The following FGL2 variants were observed in gnomAD, a reference collection of about 807,000 sequenced individuals.
The protein encoded by FGL2 is fibroleukin.
In FGL2, 21 loss-of-function variants were observed where a neutral mutation model predicts 36.0. The ratio of observed to expected loss-of-function variants is 0.58; its 90% CI spans 0.41 to 0.84. FGL2 has a LOEUF of 0.84. Among genes scored for constraint, FGL2 ranks in the 40% least tolerant of loss-of-function variants. FGL2 has a pLI of 0.00. For missense variants in FGL2, 444 were observed against 526.3 expected (o/e 0.84, Z 1.53); for synonymous variants, 183 against 190.7 (o/e 0.96, Z 0.33).
In FGL2 at chr7:77,196,978, A is replaced by T; in HGVS notation, c.621T>A (p.His207Gln). ...AGTCAGAGCAATCTTTATATATTAG[A>T]TGTTGAACTGAAGGGGAAATAAAAG... is the stretch of plus-strand genomic sequence containing the variant. ...QEQIQSRPVQHLIYKDCSDYY... is the reference protein window; with the variant it reads ...QEQIQSRPVQQLIYKDCSDYY... Residue 207 changes from histidine (H) to glutamine (Q), a missense_variant, in exon 2 of 2, where the codon CAT becomes CAA. By Grantham distance (24) the His-to-Gln change is conservative. Coordinates refer to ENST00000248598, the MANE Select transcript of FGL2 (RefSeq NM_006682.3). The surrounding 1 kb of genome is among the most constrained non-coding windows in gnomAD (Gnocchi z 4.2). 2 of 1,585,468 alleles carry T rather than the reference A, an allele frequency of 1.3e-6. No individual in the cohort carries two copies. Among genetic ancestry groups the T allele is most frequent in the Non-Finnish European group, 1.7e-6 (2 of 1,161,532 alleles).
rs1447703327 is a variant in FGL2, at chr7:77,196,641, A to G, written c.958T>C (p.Tyr320His). Reference sequence around the variant, plus strand: ...TATTTGAGAAACTCATTAGCCACATAAAACTGATCATACAAGGCATATAGT... The same window carrying G: ...TATTTGAGAAACTCATTAGCCACATGAAACTGATCATACAAGGCATATAGT... Reference protein sequence around the residue: ...VELYALYDQFYVANEFLKYRL... With the variant: ...VELYALYDQFHVANEFLKYRL... The change falls in exon 2 of 2, where the codon TAT becomes CAT. Residue 320 changes from tyrosine to histidine, a missense_variant. By Grantham distance (83) the Tyr-to-His change is moderately conservative (BLOSUM62 2). Transcript: ENST00000248598. The surrounding 1 kb of genome is among the most constrained non-coding windows in gnomAD (Gnocchi z 4.2). 1 of 1,614,038 alleles carries G rather than the reference A, an allele frequency of 6.2e-7. No homozygotes were observed. The highest frequency in any genetic ancestry group is 8.5e-7 in the Non-Finnish European group (1 of 1,179,966).
chr7:77,199,523 T>A lies in FGL2; in HGVS notation c.271A>T (p.Ser91Cys), dbSNP rs1562830837. ...CAGTCTTGGCAAGATTTCTTTAGAC[T>A]ATTTACGATTTCCTTGAGGTTTTGG... ...EVQNLKEIVN[S>C]LKKSCQDCKL... is the part of the protein sequence containing the mutation. Residue 91 changes from serine (S) to cysteine (C), a missense_variant, in exon 1 of 2, where the codon AGT becomes TGT. Transcript: ENST00000248598. 1 of 1,614,180 alleles carries A rather than the reference T, an allele frequency of 6.2e-7. No individual in the cohort carries two copies. Among genetic ancestry groups the A allele is most frequent in the South Asian group, 1.1e-5 (1 of 91,086 alleles).
rs879357271 is a variant in FGL2 at position 77,195,978 on chromosome 7, G to T, written c.*301C>A. On this transcript the variant is annotated 3_prime_UTR_variant, in exon 2 of 2. Coordinates refer to ENST00000248598, the MANE Select transcript of FGL2 (RefSeq NM_006682.3). ...AGCCAACAATTATTTTTTAAATACAGCAAGTAATACAAGCAATAGAAAAAG... is the reference window on the plus strand; with the variant it reads ...AGCCAACAATTATTTTTTAAATACATCAAGTAATACAAGCAATAGAAAAAG... The T allele has an allele frequency of 1.7e-5, 5 of 286,246 alleles. No individual in the cohort carries two copies. Among genetic ancestry groups the T allele is most frequent in the Non-Finnish European group, 3.3e-5 (5 of 153,842 alleles). 17.7% of individuals were successfully genotyped at this position (286,246 alleles called of 1,614,324 possible). A position where few individuals can be genotyped will look rare whatever the true frequency, so the allele number is the denominator to read the frequency against.
Position 77,196,621 on chromosome 7 carries a change from G to A in FGL2, c.978C>T (p.Leu326=). ...AGTTACCAACGTGTAAACGATATTT[G>A]AGAAACTCATTAGCCACATAAAACT... ...YDQFYVANEF[L]KYRLHVGNYN... is the part of the protein sequence containing the mutation. Residue 326 remains leucine (L), a synonymous_variant, in exon 2 of 2, where the codon CTC becomes CTT. Transcript: ENST00000248598. The surrounding 1 kb of genome is among the most constrained non-coding windows in gnomAD (Gnocchi z 4.2). 6.2e-7 allele frequency: 1 copy of A among 1,614,024 alleles called. No individual in the cohort carries two copies. The highest frequency in any genetic ancestry group is 8.5e-7 in the Non-Finnish European group (1 of 1,179,924).
chr7:77,199,006 G>C (rs1460614043), intron 1 of FGL2, 175 bp downstream of exon 1: 1 of 613,194 alleles, frequency 1.6e-6, no homozygotes, highest in African/African-American at 1.9e-5. Context: ...TTTGTAATTA[G>C]GTCATATTTA....
intron 1 of FGL2, among the ~76,000 whole-genome samples, 186 bp from the exon 2 acceptor site, chr7:77,197,171 C>G (rs941513518): frequency 6.6e-6 from 1 of 152,192 alleles, no homozygotes; most frequent in African/African-American, 2.4e-5. Context: ...TGTTATAAAG[C>G]AGAAAGGACC....
At chr7:77,197,016 T>A in intron 1 of FGL2, 31 bp from the exon 2 acceptor site, 1 of 1,353,386 alleles carries the variant, frequency 7.4e-7, no homozygotes, top group Non-Finnish European at 1.0e-6. Context: ...AGGCATTGGA[T>A]CTTGTTAATA....
chr7:77,198,139 G>A, intron 1 of FGL2: 1 of 985,424 alleles, frequency 1.0e-6, no homozygotes, highest in Non-Finnish European at 1.2e-6. Context: ...GTGAACCTTG[G>A]ATTCGCAGTG....
Position 77,199,422 on chromosome 7 carries a change from C to T in FGL2, c.372G>A (p.Glu124=), listed in dbSNP as rs1324655929. ...ATTCTCTAACTCTGTTATCACCAAC[C>T]TCTCCCGGGGCTCCTGTACTGGGTA... The part of the protein sequence containing the change: ...LLLPSTGAPG[E]VGDNRVRELE... Residue 124 remains glutamate, a synonymous_variant, in exon 1 of 2, where the codon GAG becomes GAA. Coordinates refer to ENST00000248598, the MANE Select transcript of FGL2 (RefSeq NM_006682.3). 1 of 1,614,160 alleles carries T rather than the reference C, an allele frequency of 6.2e-7. No individual in the cohort carries two copies. The highest frequency in any genetic ancestry group is 1.1e-5 in the South Asian group (1 of 91,088).
Position 77,199,424 on chromosome 7 carries a change from C to G in FGL2, c.370G>C (p.Glu124Gln), listed in dbSNP as rs750476106. 1.2e-6 allele frequency: 2 copies of G among 1,614,176 alleles called. No individual in the cohort carries two copies. The highest frequency in any genetic ancestry group is 2.2e-5 in the South Asian group (2 of 91,082). The change falls in exon 1 of 2, where the codon GAG (glutamate) becomes CAG (glutamine). Residue 124 changes from glutamate (E) to glutamine (Q), a missense_variant. By Grantham distance (29) the Glu-to-Gln change is conservative. Coordinates refer to ENST00000248598, the MANE Select transcript of FGL2 (RefSeq NM_006682.3). ...LLLPSTGAPGEVGDNRVRELE... is the reference protein window; with the variant it reads ...LLLPSTGAPGQVGDNRVRELE... ...TCTCTAACTCTGTTATCACCAACCTCTCCCGGGGCTCCTGTACTGGGTAAC... is the reference window on the plus strand; with the variant it reads ...TCTCTAACTCTGTTATCACCAACCTGTCCCGGGGCTCCTGTACTGGGTAAC...
intron 1 of FGL2, among the ~76,000 whole-genome samples, chr7:77,197,239 G>A (rs1022871061): frequency 6.6e-6 from 1 of 152,198 alleles, no homozygotes; most frequent in Non-Finnish European, 1.5e-5. Flanking sequence ...ACGACAATAA[G>A]AAAATAATAA....
chr7:77,198,033 A>G, intron 1 of FGL2: 1 of 706,270 alleles, frequency 1.4e-6, no homozygotes, highest in Non-Finnish European at 1.7e-6. Context: ...ATTTCACCCA[A>G]AATGTTTAGG....
Position 77,196,697 on chromosome 7 carries a change from C to A in FGL2, c.902G>T (p.Arg301Ile), listed in dbSNP as rs1488461886. ...ACCATTAAAGTCTTCAAGATCTATT[C>A]TCAGAATCATTTCCTTACTCTTGGT... ...LLTKSKEMIL[R>I]IDLEDFNGVE... Residue 301 changes from arginine (R) to isoleucine (I), a missense_variant, in exon 2 of 2, where the codon AGA (arginine) becomes ATA (isoleucine). Physicochemically the swap from Arg to Ile is moderately conservative, Grantham distance 97. Coordinates refer to ENST00000248598, the MANE Select transcript of FGL2 (RefSeq NM_006682.3). This position sits in a 1 kb window ranked among gnomAD's most constrained non-coding sequence, Gnocchi z 4.2. 1.2e-6 allele frequency: 2 copies of A among 1,614,100 alleles called. No homozygotes were observed. The highest frequency in any genetic ancestry group is 1.7e-6 in the Non-Finnish European group (2 of 1,180,022).
Position 77,196,523 on chromosome 7 carries a change from G to A in FGL2, c.1076C>T (p.Pro359Leu), listed in dbSNP as rs993060186. Residue 359 changes from proline (P) to leucine (L), a missense_variant, in exon 2 of 2, where the codon CCA (proline) becomes CTA (leucine). By Grantham distance (98) the Pro-to-Leu change is moderately conservative (BLOSUM62 -3). Transcript: ENST00000248598. This position sits in a 1 kb window ranked among gnomAD's most constrained non-coding sequence, Gnocchi z 4.2. ...YNHDLKFFTT[P>L]DKDNDRYPSG... ...AGGATATCGATCATTGTCTTTATCTGGAGTGGTGAAAAACTTCAGATCGTG... is the reference window on the plus strand; with the variant it reads ...AGGATATCGATCATTGTCTTTATCTAGAGTGGTGAAAAACTTCAGATCGTG... The A allele has an allele frequency of 2.5e-6, 4 of 1,613,992 alleles. No homozygotes were observed. The highest frequency in any genetic ancestry group is 3.4e-6 in the Non-Finnish European group (4 of 1,179,978).
chr7:77,196,494 CAGA>C lies in FGL2; in HGVS notation c.1102_1104del (p.Ser368del), dbSNP rs762871890. 5.6e-6 allele frequency: 9 copies of C among 1,613,954 alleles called. No homozygotes were observed. The highest frequency in any genetic ancestry group is 7.6e-6 in the Non-Finnish European group (9 of 1,179,994). On this transcript the variant is annotated inframe_deletion, in exon 2 of 2. Transcript: ENST00000248598. The surrounding 1 kb of genome is among the most constrained non-coding windows in gnomAD (Gnocchi z 4.2). ...GAACTGTAGTACAGCCCACAGTTCC[CAGA>C]AGGATATCGATCATTGTCTTTATCT...
Position 77,199,580 on chromosome 7 carries a change from A to G in FGL2, c.214T>C (p.Phe72Leu). ...TTGAACACCTCCTCGATCCTGCTGA[A>G]TTGCTTCGGGAGCTGAATAGTCAAG... ...PPLTIQLPKQFSRIEEVFKEV... is the reference protein window; with the variant it reads ...PPLTIQLPKQLSRIEEVFKEV... The change falls in exon 1 of 2, where the codon TTC becomes CTC. Residue 72 changes from phenylalanine to leucine, a missense_variant. By Grantham distance (22) the Phe-to-Leu change is conservative (BLOSUM62 0). Transcript: ENST00000248598. 1.9e-6 allele frequency: 3 copies of G among 1,614,140 alleles called. No homozygotes were observed. Among genetic ancestry groups the G allele is most frequent in the Non-Finnish European group, 1.7e-6 (2 of 1,180,018 alleles).
At position 77,194,681 on chromosome 7, in the gene FGL2, G is replaced by A. The variant is rs1437584313; in HGVS notation, c.*1598C>T. 6.6e-6 allele frequency: 1 copy of A among 151,864 alleles called. No individual in the cohort carries two copies. Among genetic ancestry groups the A allele is most frequent in the African/African-American group, 2.4e-5 (1 of 41,364 alleles). The allele number at this position is 151,864 out of a possible 1,614,324, so 9.4% of individuals were successfully genotyped here. ...CTTTGTAAATATATTTTGAAAACTTGGTTAGTGTATTAGAAACAGACACCA... is the reference window on the plus strand; with the variant it reads ...CTTTGTAAATATATTTTGAAAACTTAGTTAGTGTATTAGAAACAGACACCA... On this transcript the variant is annotated 3_prime_UTR_variant, in exon 2 of 2. Transcript: ENST00000248598.
rs1791833890 is a variant in FGL2, at chr7:77,194,771, A to G, written c.*1508T>C. The G allele has an allele frequency of 6.6e-6, 1 of 152,146 alleles. No individual in the cohort carries two copies. The highest frequency in any genetic ancestry group is 2.1e-4 in the South Asian group (1 of 4,832). 9.4% of individuals were successfully genotyped at this position (152,146 alleles called of 1,614,324 possible). On this transcript the variant is annotated 3_prime_UTR_variant, in exon 2 of 2. Transcript: ENST00000248598. ...AGTGAATTACTTCAAATGTTACTCT[A>G]GAGCATTTTTAAAAATACGCAGAAT...
At position 77,196,483 on chromosome 7, in the gene FGL2, C is replaced by T. The variant is rs1791872237; in HGVS notation, c.1116G>A (p.Gly372=). 1 of 1,613,996 alleles carries T rather than the reference C, an allele frequency of 6.2e-7. No individual in the cohort carries two copies. The highest frequency in any genetic ancestry group is 8.5e-7 in the Non-Finnish European group (1 of 1,179,890). ...DNDRYPSGNC[G]LYYSSGWWFD... is the part of the protein sequence containing the mutation. ...ACCACCAGCCTGAACTGTAGTACAG[C>T]CCACAGTTCCCAGAAGGATATCGAT... Residue 372 remains glycine (G), a synonymous_variant, in exon 2 of 2, where the codon GGG becomes GGA. Transcript: ENST00000248598. This position sits in a 1 kb window ranked among gnomAD's most constrained non-coding sequence, Gnocchi z 4.2.
Sources: allele counts gnomAD v4.1 joint callset (sites outside exome capture counted in the v4.1 genomes callset), GRCh38; gene constraint gnomAD v4.1.1; non-coding constraint Gnocchi (gnomAD v3.1); transcripts MANE v1.5; gene names NCBI Gene and HGNC (gene_info 2026-07-23, HGNC 2026-07-21).